The following HARS2 variants were observed in gnomAD, a reference collection of about 807,000 sequenced individuals.
The protein encoded by HARS2 is histidine--tRNA ligase, mitochondrial.
A neutral mutation model predicts 62.4 loss-of-function variants in HARS2; 40 were observed. The observed-to-expected ratio is 0.64, with a 90% CI of 0.50 to 0.83. The LOEUF is 0.83. Among genes scored for constraint, HARS2 ranks in the 40% least tolerant of loss-of-function variants. The pLI is 0.00. For synonymous variants in HARS2, 228 were observed against 227.0 expected, an observed-to-expected ratio of 1.00 and a Z score of -0.04; for missense variants, 569 against 626.4, an observed-to-expected ratio of 0.91 and a Z score of 0.98.
chr5:140,696,051 T>C lies in HARS2; in HGVS notation c.634-52T>C, dbSNP rs1759728503. The C allele has an allele frequency of 3.8e-6, 5 of 1,317,456 alleles. No homozygotes were observed. The East Asian group carries it at 1.1e-4, about 30-fold the overall frequency. 81.6% of individuals were successfully genotyped at this position (1,317,456 alleles called of 1,614,324 possible). Reference sequence around the variant, plus strand: ...CAGGAAAGTAGGTACTGCCATTGTTTTGAGTGGAAGGGCATTGACAAGCAC... The same window carrying C: ...CAGGAAAGTAGGTACTGCCATTGTTCTGAGTGGAAGGGCATTGACAAGCAC... On this transcript the variant is annotated intron_variant, in intron 6 of 12. Coordinates refer to ENST00000230771, the MANE Select transcript of HARS2 (RefSeq NM_012208.4).
rs749799529 is a variant in HARS2 at position 140,696,166 on chromosome 5, C to T, written c.697C>T (p.Arg233Cys). The T allele has an allele frequency of 1.1e-5, 18 of 1,613,418 alleles. 1 individual carries two copies. Among genetic ancestry groups the T allele is most frequent in the South Asian group, 6.6e-5 (6 of 91,078 alleles). ...CTGTGGTGTTCCTGAAAGCAAGTTC[C>T]GTGCCATCTGCTCCTCCATAGATAA... is the stretch of plus-strand genomic sequence containing the variant. ...AVCGVPESKFRAICSSIDKLD... is the reference protein window; with the variant it reads ...AVCGVPESKFCAICSSIDKLD... Residue 233 changes from arginine (R) to cysteine (C), a missense_variant, in exon 7 of 13, where the codon CGT becomes TGT. Transcript: ENST00000230771.
At position 140,695,525 on chromosome 5, in the gene HARS2, T is replaced by G; in HGVS notation, c.417T>G (p.Tyr139Ter). The change falls in exon 5 of 13, where the codon TAT becomes TAG. Residue 139 changes from tyrosine (Y) to a stop codon, truncating the protein, a stop_gained. Transcript: ENST00000230771. LOFTEE classifies it high-confidence loss of function. Reference sequence around the variant, plus strand: ...TATGTGAGGTTCCCTTTGCTCGTTATCTGGCCATGAATAAGGTGAAGAAGA... The same window carrying G: ...TATGTGAGGTTCCCTTTGCTCGTTAGCTGGCCATGAATAAGGTGAAGAAGA... ...RYDLTVPFAR[Y>*]LAMNKVKKMK... 1 of 1,614,178 alleles carries G rather than the reference T, an allele frequency of 6.2e-7. No individual in the cohort carries two copies. Among genetic ancestry groups the G allele is most frequent in the Non-Finnish European group, 8.5e-7 (1 of 1,180,026 alleles).
chr5:140,692,440 A>G (rs1368185826), intron 1 of HARS2: 2 of 152,614 alleles, frequency 1.3e-5, no homozygotes, highest in Non-Finnish European at 2.9e-5. Context: ...TTGATATTCA[A>G]TCACAGCATC....
rs1014770468 is a variant in HARS2 at position 140,696,799 on chromosome 5, A to C, written c.827-144A>C. 85 of 841,700 alleles carry C rather than the reference A, an allele frequency of 1.0e-4. No homozygotes were observed. In the East Asian group the frequency reaches 2.6e-3, roughly 25 times the overall value. The allele number at this position is 841,700 out of a possible 1,614,324, so 52.1% of individuals were successfully genotyped here. On this transcript the variant is annotated intron_variant, in intron 8 of 12. Transcript: ENST00000230771. Reference sequence around the variant, plus strand: ...CAGATGGCAAAGCTAGAGGCAAAGGAGGAGGGTCTTGTCATGTGAGACTGG... The same window carrying C: ...CAGATGGCAAAGCTAGAGGCAAAGGCGGAGGGTCTTGTCATGTGAGACTGG...
chr5:140,691,545 C>T lies in HARS2; in HGVS notation c.-104C>T, dbSNP rs1348812918. On this transcript the variant is annotated 5_prime_UTR_variant, in exon 1 of 13. Coordinates refer to ENST00000230771, the MANE Select transcript of HARS2 (RefSeq NM_012208.4). ...GCAAACGCCCGAGTTTTCCCTGGTG[C>T]GCGGGTTCCGCCTTTGCAGTGCCCT... 8.5e-6 allele frequency: 7 copies of T among 824,062 alleles called. No homozygotes were observed. Among genetic ancestry groups the T allele is most frequent in the Non-Finnish European group, 1.2e-5 (6 of 494,562 alleles). 51.0% of individuals were successfully genotyped at this position (824,062 alleles called of 1,614,324 possible).
Position 140,697,704 on chromosome 5 carries a change from C to G in HARS2, c.1314+19C>G. 1.3e-6 allele frequency: 2 copies of G among 1,519,652 alleles called. No individual in the cohort carries two copies. Among genetic ancestry groups the G allele is most frequent in the South Asian group, 1.1e-5 (1 of 89,208 alleles). The allele number at this position is 1,519,652 out of a possible 1,614,324, so 94.1% of individuals were successfully genotyped here. A position where few individuals can be genotyped will look rare whatever the true frequency, so the allele number is the denominator to read the frequency against. Reference sequence around the variant, plus strand: ...AATCAAGGTATGGTGGAGCTGATATCTGAGCCATCTGGGTATGTGTGGAAT... The same window carrying G: ...AATCAAGGTATGGTGGAGCTGATATGTGAGCCATCTGGGTATGTGTGGAAT... On this transcript the variant is annotated intron_variant, in intron 11 of 12. Coordinates refer to ENST00000230771, the MANE Select transcript of HARS2 (RefSeq NM_012208.4).
chr5:140,692,080 C>T (rs531117035), intron 1 of HARS2: 1 of 341,452 alleles, frequency 2.9e-6, no homozygotes, highest in East Asian at 5.9e-5. Flanking sequence ...CAAACAGTAA[C>T]ATTTTTAAGC....
rs769419122 is a variant in HARS2, at chr5:140,698,621, T to C, written c.*69T>C. The C allele has an allele frequency of 6.6e-6, 8 of 1,210,216 alleles. No individual in the cohort carries two copies. The highest frequency in any genetic ancestry group is 9.9e-6 in the Non-Finnish European group (8 of 810,694). 75.0% of individuals were successfully genotyped at this position (1,210,216 alleles called of 1,614,324 possible). A position where few individuals can be genotyped will look rare whatever the true frequency, so the allele number is the denominator to read the frequency against. On this transcript the variant is annotated 3_prime_UTR_variant, in exon 13 of 13. Coordinates refer to ENST00000230771, the MANE Select transcript of HARS2 (RefSeq NM_012208.4). ...CCTCTAGAACTGAATTCCTCTGGAA[T>C]TGAGTGATGGACTTCACAACAACTA...
At position 140,693,651 on chromosome 5, in the gene HARS2, A is replaced by T. The variant is rs1405946877; in HGVS notation, c.169A>T (p.Ile57Phe). The T allele has an allele frequency of 1.2e-6, 2 of 1,613,690 alleles. No individual in the cohort carries two copies. Among genetic ancestry groups the T allele is most frequent in the Non-Finnish European group, 8.5e-7 (1 of 1,179,564 alleles). ...ACATCAAGAGAAACCAAATTTTATT[A>T]TCAAGACCCCAAAGGTAATACTTTT... ...KAHQEKPNFI[I>F]KTPKGTRDLS... The change falls in exon 2 of 13, where the codon ATC (isoleucine) becomes TTC (phenylalanine). Residue 57 changes from isoleucine to phenylalanine, a missense_variant. Ile to Phe is a conservative substitution (Grantham distance 21). Coordinates refer to ENST00000230771, the MANE Select transcript of HARS2 (RefSeq NM_012208.4).
At chr5:140,698,468 A>C (rs1348002640) in intron 12 of HARS2, 25 bp from the exon 13 acceptor site, 3 of 1,559,584 alleles carry the variant, frequency 1.9e-6, no homozygotes, top group East Asian at 2.2e-5. Context: ...CTAGTTTATC[A>C]CATGAGGATT....
chr5:140,693,444 C>T (rs1488934645), intron 1 of HARS2, 147 bp from the exon 2 acceptor site: 2 of 1,514,552 alleles, frequency 1.3e-6, no homozygotes, highest in South Asian at 2.4e-5. Flanking sequence ...TGGGGTGGGA[C>T]TGAGATTGGG....
chr5:140,697,837 A>G lies in HARS2; in HGVS notation c.1315-95A>G, dbSNP rs1011954903. The G allele has an allele frequency of 1.2e-5, 17 of 1,408,086 alleles. No homozygotes were observed. The African/African-American group carries it at 1.8e-4, about 15-fold the overall frequency. The allele number at this position is 1,408,086 out of a possible 1,614,324, so 87.2% of individuals were successfully genotyped here. On this transcript the variant is annotated intron_variant, in intron 11 of 12. Coordinates refer to ENST00000230771, the MANE Select transcript of HARS2 (RefSeq NM_012208.4). ...ATTGGCTTTTTAGGGTAGGCGGACT[A>G]GCCACTTATCTCTGGCTTTCTTGGA...
At chr5:140,697,745 A>G in intron 11 of HARS2, 60 bp downstream of exon 11, 6 of 1,310,720 alleles carry the variant, frequency 4.6e-6, no homozygotes, top group Admixed American at 3.4e-5. Context: ...ACCCAGGGCT[A>G]TATCTATCTT....
Position 140,698,045 on chromosome 5 carries a change from C to T in HARS2, c.1428C>T (p.Val476=). The T allele has an allele frequency of 6.2e-7, 1 of 1,614,188 alleles. No homozygotes were observed. Among genetic ancestry groups the T allele is most frequent in the Non-Finnish European group, 8.5e-7 (1 of 1,180,022 alleles). Residue 476 remains valine, a synonymous_variant, in exon 12 of 13, where the codon GTC becomes GTT. Transcript: ENST00000230771. ...IIGEQELKEG[V]IKIRSVASRE... The stretch of plus-strand genomic sequence containing the variant: ...GTGAGCAAGAACTGAAAGAAGGGGT[C>T]ATCAAGATCCGTTCAGTGGCCAGCA...
chr5:140,697,326 C>T lies in HARS2; in HGVS notation c.1117C>T (p.Pro373Ser), dbSNP rs774459564. 3.1e-5 allele frequency: 50 copies of T among 1,614,062 alleles called. No individual in the cohort carries two copies. Among genetic ancestry groups the T allele is most frequent in the Non-Finnish European group, 4.1e-5 (48 of 1,180,018 alleles). The change falls in exon 10 of 13, where the codon CCC becomes TCC. Residue 373 changes from proline (P) to serine (S), a missense_variant. Coordinates refer to ENST00000230771, the MANE Select transcript of HARS2 (RefSeq NM_012208.4). ...RYDGLVGMFDPKGHKVPCVGL... is the reference protein window; with the variant it reads ...RYDGLVGMFDSKGHKVPCVGL... ...TGATGGGCTGGTGGGCATGTTTGAC[C>T]CCAAGGGCCACAAGGTGCCATGTGT...
Position 140,695,607 on chromosome 5 carries a change from G to A in HARS2, c.499G>A (p.Gly167Ser), listed in dbSNP as rs1292547992. ...WRRESPTIVQ[G>S]RYREFCQCDF... The stretch of plus-strand genomic sequence containing the variant: ...GCGAGAGAGCCCAACCATAGTCCAA[G>A]GCCGTTATAGGGAGTTCTGCCAGTG... The change falls in exon 5 of 13, where the codon GGC (glycine) becomes AGC (serine). Residue 167 changes from glycine (G) to serine (S), a missense_variant. By Grantham distance (56) the Gly-to-Ser change is moderately conservative (BLOSUM62 0). Coordinates refer to ENST00000230771, the MANE Select transcript of HARS2 (RefSeq NM_012208.4). The A allele has an allele frequency of 6.2e-7, 1 of 1,614,122 alleles. No individual in the cohort carries two copies. Among genetic ancestry groups the A allele is most frequent in the South Asian group, 1.1e-5 (1 of 91,090 alleles).
rs552030371 is a variant in HARS2, at chr5:140,695,632, G to T, written c.524G>T (p.Cys175Phe). 9 of 1,614,250 alleles carry T rather than the reference G, an allele frequency of 5.6e-6. No homozygotes were observed. Among genetic ancestry groups the T allele is most frequent in the Non-Finnish European group, 7.6e-6 (9 of 1,180,042 alleles). Residue 175 changes from cysteine (C) to phenylalanine (F), a missense_variant and splice_region_variant, in exon 5 of 13, where the codon TGT (cysteine) becomes TTT (phenylalanine). Physicochemically the swap from Cys to Phe is radical, Grantham distance 205. Coordinates refer to ENST00000230771, the MANE Select transcript of HARS2 (RefSeq NM_012208.4). ...VQGRYREFCQ[C>F]DFDIAGQFDP... ...GGCCGTTATAGGGAGTTCTGCCAGT[G>T]TGTAAGTGACCTGATGGGAGCAGCA...
chr5:140,693,394 A>T, intron 1 of HARS2, 197 bp from the exon 2 acceptor site: 1 of 1,089,064 alleles, frequency 9.2e-7, no homozygotes, highest in Middle Eastern at 2.7e-4. Flanking sequence ...CTGACCTCAT[A>T]TATATTACAC....
rs993765141 is a variant in HARS2, at chr5:140,698,864, G to T, written c.*312G>T. ...GATTGTTGCTGTGAGCAAGGCTCTG[G>T]GAGAGTCACCTCAGGCTCAGGATTC... On this transcript the variant is annotated 3_prime_UTR_variant, in exon 13 of 13. Coordinates refer to ENST00000230771, the MANE Select transcript of HARS2 (RefSeq NM_012208.4). 4 of 422,538 alleles carry T rather than the reference G, an allele frequency of 9.5e-6. No homozygotes were observed. The East Asian group carries it at 2.0e-4, about 21-fold the overall frequency. The allele number at this position is 422,538 out of a possible 1,614,324, so 26.2% of individuals were successfully genotyped here. A position where few individuals can be genotyped will look rare whatever the true frequency, so the allele number is the denominator to read the frequency against.
Sources: gnomAD v4.1 joint callset for allele counts on GRCh38, gnomAD v4.1.1 for gene constraint, MANE v1.5 for transcripts, NCBI Gene and HGNC (gene_info 2026-07-23, HGNC 2026-07-21) for gene names.